The following CSMD1 variants were observed in gnomAD, a reference collection of about 807,000 sequenced individuals.
CSMD1 encodes CUB and Sushi multiple domains 1.
Under a neutral mutation model 417.5 loss-of-function variants are expected in CSMD1, and 213 were observed. That is an observed-to-expected ratio of 0.51 (90% CI 0.46 to 0.57). The LOEUF (loss-of-function observed/expected upper bound fraction) is 0.57, where lower values mean the gene tolerates loss of function less well. Ranked by LOEUF, CSMD1 falls within the 20% of genes least tolerant of loss-of-function variation. The pLI, the probability that CSMD1 is intolerant of heterozygous loss-of-function variation, is 0.00. For missense variants in CSMD1, 6,923 were observed against 4,529.7 expected, an observed-to-expected ratio of 1.53 and a Z score of -15.17; for synonymous variants, 2,862 against 1,736.8, an observed-to-expected ratio of 1.65 and a Z score of -16.11.
intron 3 of CSMD1, among the ~76,000 whole-genome samples, chr8:4,348,944 G>A (rs1584938489): frequency 1.3e-5 from 2 of 152,076 alleles, no homozygotes; most frequent in Admixed American, 6.6e-5. Context: ...ACCAGACAGT[G>A]CCCTCAGAAT....
At position 3,586,133 on chromosome 8, in the gene CSMD1, T is replaced by A. The variant is rs1296514131; in HGVS notation, c.1222+3A>T. 1 of 1,610,460 alleles carries A rather than the reference T, an allele frequency of 6.2e-7. No homozygotes were observed. The highest frequency in any genetic ancestry group is 8.5e-7 in the Non-Finnish European group (1 of 1,178,768). On this transcript the variant is annotated splice_donor_region_variant and intron_variant, in intron 9 of 69. Transcript: ENST00000635120. ...CAGGCTTTACCCACCGCAGGTGCCT[T>A]ACCTCGGCAGATGGGCCTGTGGTCA... is the stretch of plus-strand genomic sequence containing the variant.
At chr8:3,188,705 T>C (rs1585600657) in intron 35 of CSMD1, among the ~76,000 whole-genome samples, 182 bp downstream of exon 35, 1 of 151,818 alleles carries the variant, frequency 6.6e-6, no homozygotes, top group Non-Finnish European at 1.5e-5. Context: ...AAATATTTTG[T>C]TGAAATACTA....
At chr8:3,326,930 T>G (rs935413806) in intron 23 of CSMD1, among the ~76,000 whole-genome samples, 1 of 151,984 alleles carries the variant, frequency 6.6e-6, no homozygotes, top group Non-Finnish European at 1.5e-5. Context: ...TAATCTCGGC[T>G]CTTAGGGAGG....
At chr8:4,767,183 G>T (rs564173657) in intron 1 of CSMD1, among the ~76,000 whole-genome samples, 2 of 152,146 alleles carry the variant, frequency 1.3e-5, no homozygotes, top group African/African-American at 2.4e-5. Context: ...ACACTGAAAA[G>T]CCCTTAGCTT....
intron 10 of CSMD1, among the ~76,000 whole-genome samples, chr8:3,533,328 C>G (rs1798057001): frequency 6.6e-6 from 1 of 152,130 alleles, no homozygotes; most frequent in South Asian, 2.1e-4. Context: ...GATTGTACAG[C>G]AGATCTCTAG....
intron 1 of CSMD1, among the ~76,000 whole-genome samples, chr8:4,702,570 G>A (rs995008097): frequency 6.6e-6 from 1 of 152,154 alleles, no homozygotes; most frequent in Non-Finnish European, 1.5e-5. Flanking sequence ...TCATCTGAAA[G>A]GTTCCGTAGG....
chr8:3,637,133 G>A (rs535108618), intron 7 of CSMD1, among the ~76,000 whole-genome samples: 28 of 152,222 alleles, frequency 1.8e-4, no homozygotes, highest in Non-Finnish European at 3.4e-4. Context: ...AAATTATCCC[G>A]TTTGTGCTAT....
chr8:4,649,451 T>A (rs1165198271), intron 1 of CSMD1, among the ~76,000 whole-genome samples: 1 of 152,190 alleles, frequency 6.6e-6, no homozygotes, highest in East Asian at 1.9e-4. Context: ...CTTGAGTGAT[T>A]TTTTCCAAAG....
At chr8:4,903,621 G>T (rs1805044691) in intron 1 of CSMD1, among the ~76,000 whole-genome samples, 1 of 152,204 alleles carries the variant, frequency 6.6e-6, no homozygotes, top group Non-Finnish European at 1.5e-5. Flanking sequence ...ACATTATGAA[G>T]TAAACTTGGA....
At chr8:4,827,613 G>A (rs948038250) in intron 1 of CSMD1, among the ~76,000 whole-genome samples, 2 of 152,278 alleles carry the variant, frequency 1.3e-5, no homozygotes, top group African/African-American at 4.8e-5. Context: ...TTGTGTCTCA[G>A]AAAGATTGAA....
intron 5 of CSMD1, among the ~76,000 whole-genome samples, chr8:3,966,237 G>A (rs558686632): frequency 2.3e-4 from 35 of 152,144 alleles, no homozygotes; most frequent in Middle Eastern, 3.4e-3. Flanking sequence ...AATGATTTCC[G>A]CCCATATTTA....
At chr8:4,747,770 G>C (rs1265250619) in intron 1 of CSMD1, among the ~76,000 whole-genome samples, 1 of 152,120 alleles carries the variant, frequency 6.6e-6, no homozygotes, top group Non-Finnish European at 1.5e-5. Context: ...ACTGTGTAAA[G>C]CCTGGGATAG....
chr8:4,296,442 T>G (rs1454599022), intron 3 of CSMD1, among the ~76,000 whole-genome samples: 1 of 152,154 alleles, frequency 6.6e-6, no homozygotes, highest in Non-Finnish European at 1.5e-5. Flanking sequence ...AGCATGGCAT[T>G]TGGACTCATG....
intron 7 of CSMD1, among the ~76,000 whole-genome samples, chr8:3,617,891 A>G (rs949759216): frequency 2.0e-5 from 3 of 152,218 alleles, no homozygotes. Context: ...TTTTCTCACA[A>G]ATATTTTAAA....
In CSMD1 at chr8:3,539,541, C is replaced by T. The variant is rs562912949; in HGVS notation, c.1344+35404G>A. Among the ~76,000 whole-genome samples, 636 of 152,134 alleles carry T rather than the reference C, an allele frequency of 4.2e-3. 4 individuals are homozygous for T. Among genetic ancestry groups the T allele is most frequent in the Non-Finnish European group, 5.8e-3 (396 of 68,008 alleles). ...AGCCCACAAAGGTTCTCATTTTAAA[C>T]GTGCAAGGAAAAGCGTGATTCAGAA... On this transcript the variant is annotated intron_variant, in intron 10 of 69. Transcript: ENST00000635120.
intron 10 of CSMD1, among the ~76,000 whole-genome samples, chr8:3,532,433 C>A (rs897454377): frequency 1.3e-5 from 2 of 152,104 alleles, no homozygotes; most frequent in African/African-American, 4.8e-5. Context: ...TGGCAACTCT[C>A]CTCCTCCTTC....
intron 1 of CSMD1, among the ~76,000 whole-genome samples, chr8:4,655,582 T>C (rs1283864036): frequency 6.6e-6 from 1 of 152,104 alleles, no homozygotes; most frequent in African/African-American, 2.4e-5. Context: ...TTACTTATTT[T>C]TCAAAAAACT....
At chr8:3,763,059 A>G (rs1337716443) in intron 5 of CSMD1, among the ~76,000 whole-genome samples, 1 of 152,164 alleles carries the variant, frequency 6.6e-6, no homozygotes, top group Non-Finnish European at 1.5e-5. Flanking sequence ...TGCGAGATTG[A>G]AGCCTGTCCT....
rs534054010 is a variant in CSMD1 at position 3,362,543 on chromosome 8, G to A, written c.3116-3203C>T. Among the ~76,000 whole-genome samples, 4 of 152,284 alleles carry A rather than the reference G, an allele frequency of 2.6e-5. No individual in the cohort carries two copies. The East Asian group carries it at 5.8e-4, about 22-fold the overall frequency. ...CTCATTTGGCTGATTCGGAACTTCTGCTGCCCCATGTGTTGAAATTAATTC... is the reference window on the plus strand; with the variant it reads ...CTCATTTGGCTGATTCGGAACTTCTACTGCCCCATGTGTTGAAATTAATTC... On this transcript the variant is annotated intron_variant, in intron 20 of 69. Coordinates refer to ENST00000635120, the MANE Select transcript of CSMD1 (RefSeq NM_033225.6).
Sources: allele counts gnomAD v4.1 joint callset (sites outside exome capture counted in the v4.1 genomes callset), GRCh38; gene constraint gnomAD v4.1.1; transcripts MANE v1.5; gene names NCBI Gene and HGNC (gene_info 2026-07-23, HGNC 2026-07-21).